CAST: variants seen among roughly 807,000 people sequenced by gnomAD.
CAST encodes MIR583 host.
A neutral mutation model predicts 119.6 loss-of-function variants in CAST; 76 were observed. The ratio of observed to expected loss-of-function variants is 0.64; its 90% CI spans 0.53 to 0.77. The LOEUF is 0.77. Ranked by LOEUF, CAST falls within the 30% of genes least tolerant of loss-of-function variation. The pLI is 0.00. For synonymous variants in CAST, 319 were observed against 331.6 expected (o/e 0.96, Z 0.41); for missense variants, 953 against 946.5 (o/e 1.01, Z -0.09).
chr5:96,076,054 G>A, the CAST span, among the ~76,000 whole-genome samples: 6 of 152,038 alleles, frequency 3.9e-5, no homozygotes, highest in Non-Finnish European at 8.8e-5. Context: ...GAATGTCCAG[G>A]GTCTGCTTGA....
chr5:96,531,551 C>G (rs1477073772), intron 1 of CAST, among the ~76,000 whole-genome samples: 11 of 152,176 alleles, frequency 7.2e-5, no homozygotes, highest in Non-Finnish European at 1.6e-4. Context: ...GTTGGCAAGG[C>G]CTACCCATGT....
At chr5:96,521,888 G>A (rs1280247913), upstream of CAST, among the ~76,000 whole-genome samples, 2 of 152,172 alleles carry the variant, frequency 1.3e-5, 1 homozygote, top group Non-Finnish European at 2.9e-5. Flanking sequence ...GGAGGCCGAG[G>A]CAGGCAGATC....
At chr5:96,283,792 C>T in the CAST span, among the ~76,000 whole-genome samples, 1 of 152,206 alleles carries the variant, frequency 6.6e-6, no homozygotes, top group Non-Finnish European at 1.5e-5. Context: ...GTCGTAAATC[C>T]ACCAATGAAA....
At chr5:96,552,640 G>T (rs1746156500) in intron 1 of CAST, among the ~76,000 whole-genome samples, 1 of 152,048 alleles carries the variant, frequency 6.6e-6, no homozygotes, top group South Asian at 2.1e-4. Flanking sequence ...GCTGGTTTTT[G>T]AAAAGATCAA....
At chr5:96,656,448 C>G (rs921165586) in intron 1 of CAST, among the ~76,000 whole-genome samples, 2 of 152,212 alleles carry the variant, frequency 1.3e-5, no homozygotes, top group Non-Finnish European at 2.9e-5. Context: ...TAAGGAAGCT[C>G]AGCCCTCTTC....
chr5:96,609,388 C>T (rs1747318380), intron 1 of CAST, among the ~76,000 whole-genome samples: 1 of 151,510 alleles, frequency 6.6e-6, no homozygotes, highest in African/African-American at 2.4e-5. Flanking sequence ...TTTTTATGGA[C>T]TTTGAGATAA....
At chr5:96,521,918 A>T (rs577670020), upstream of CAST, among the ~76,000 whole-genome samples, 1 of 152,328 alleles carries the variant, frequency 6.6e-6, no homozygotes, top group Non-Finnish European at 1.5e-5. Context: ...GATCGAGACC[A>T]TCCTGGCTAA....
chr5:96,049,889 C>CAAAAAAAAAAAAAAAAAAAAAAAAAAAAA, the CAST span, among the ~76,000 whole-genome samples: 10 of 34,188 alleles, frequency 2.9e-4, no homozygotes, highest in Admixed American at 5.1e-4. Flanking sequence ...GAACAGGAGG[C>CAAAAAAAAAAAAAAAAAAAAAAAAAAAAA]AAAAAAAAAA....
the CAST span, among the ~76,000 whole-genome samples, chr5:96,503,809 C>T: frequency 3.3e-5 from 5 of 152,214 alleles, no homozygotes; most frequent in African/African-American, 9.6e-5. Flanking sequence ...CACCTCCACC[C>T]TTTTAGTCCT....
chr5:96,224,513 A>G, the CAST span, among the ~76,000 whole-genome samples: 1 of 152,186 alleles, frequency 6.6e-6, no homozygotes, highest in Non-Finnish European at 1.5e-5. Context: ...TGATACACAC[A>G]GAAGAGGAGA....
the CAST span, among the ~76,000 whole-genome samples, chr5:96,115,789 A>G: frequency 6.6e-6 from 1 of 152,204 alleles, no homozygotes; most frequent in Non-Finnish European, 1.5e-5. Context: ...CAGATGTACA[A>G]TGTTTAATGG....
the CAST span, among the ~76,000 whole-genome samples, chr5:96,422,184 A>G: frequency 1.6e-4 from 24 of 152,200 alleles, no homozygotes; most frequent in African/African-American, 4.6e-4. Context: ...TTCTCAGTGA[A>G]TGTTACCAAG....
chr5:96,495,159 T>C, the CAST span, among the ~76,000 whole-genome samples: 315 of 151,258 alleles, frequency 2.1e-3, 3 homozygotes, highest in African/African-American at 7.2e-3. Context: ...ATGTTATCAA[T>C]ATATTGTAAT....
chr5:96,226,302 T>C, the CAST span, among the ~76,000 whole-genome samples: 1 of 151,978 alleles, frequency 6.6e-6, no homozygotes, highest in Non-Finnish European at 1.5e-5. Flanking sequence ...CAATGAACAG[T>C]AGGAACTCTT....
chr5:96,091,598 C>A, the CAST span, among the ~76,000 whole-genome samples: 1 of 151,782 alleles, frequency 6.6e-6, no homozygotes, highest in South Asian at 2.1e-4. Context: ...TTTGCCCTCC[C>A]AGGCTCAAGT....
At chr5:96,292,513 A>T in the CAST span, among the ~76,000 whole-genome samples, 1 of 152,282 alleles carries the variant, frequency 6.6e-6, no homozygotes, top group South Asian at 2.1e-4. Flanking sequence ...CCCAATTCAG[A>T]CTGAATTGCC....
At chr5:96,673,870 TA>T (rs1180367796) in intron 1 of CAST, among the ~76,000 whole-genome samples, 2 of 152,188 alleles carry the variant, frequency 1.3e-5, no homozygotes, top group Admixed American at 1.3e-4. Context: ...CTAGGATGTA[TA>T]GGTAAAAGAA....
At chr5:96,568,047 A>T in intron 1 of CAST, among the ~76,000 whole-genome samples, 1 of 152,260 alleles carries the variant, frequency 6.6e-6, no homozygotes, top group African/African-American at 2.4e-5. Context: ...TTTGGATTAA[A>T]ACTTCATCTA....
At chr5:96,200,083 C>T in the CAST span, among the ~76,000 whole-genome samples, 1 of 152,104 alleles carries the variant, frequency 6.6e-6, no homozygotes, top group African/African-American at 2.4e-5. Context: ...GGGGCATCGG[C>T]GCTGAACACC....
Sources: allele counts gnomAD v4.1 joint callset (sites outside exome capture counted in the v4.1 genomes callset), GRCh38; gene constraint gnomAD v4.1.1; transcripts MANE v1.5; gene names NCBI Gene and HGNC (gene_info 2026-07-23, HGNC 2026-07-21).